Variants in ZNF407 observed in about 807,000 individuals in gnomAD.
ZNF407 encodes zinc finger protein 407.
A neutral mutation model predicts 131.2 loss-of-function variants in ZNF407; 17 were observed. The ratio of observed to expected loss-of-function variants is 0.13; its 90% CI spans 0.09 to 0.19. The LOEUF is 0.19. Among genes scored for constraint, ZNF407 ranks in the 10% least tolerant of loss-of-function variants. The pLI is 1.00. For synonymous variants in ZNF407, 1,156 were observed against 1,062.0 expected, an observed-to-expected ratio of 1.09 and a Z score of -1.72; for missense variants, 2,681 against 2,830.6, an observed-to-expected ratio of 0.95 and a Z score of 1.20.
At chr18:75,028,549 C>G (rs1179069899) in intron 8 of ZNF407, among the ~76,000 whole-genome samples, 1 of 152,184 alleles carries the variant, frequency 6.6e-6, no homozygotes, top group African/African-American at 2.4e-5. Context: ...ATTTCAGCTC[C>G]TAACAGACTT....
At chr18:74,953,857 T>A (rs1972244677) in intron 8 of ZNF407, among the ~76,000 whole-genome samples, 1 of 152,166 alleles carries the variant, frequency 6.6e-6, no homozygotes. Flanking sequence ...AGGAATCTGG[T>A]CCATTAGGGA....
At chr18:74,645,160 T>C (rs1240652795) in intron 3 of ZNF407, among the ~76,000 whole-genome samples, 2 of 152,080 alleles carry the variant, frequency 1.3e-5, no homozygotes, top group African/African-American at 4.8e-5. Flanking sequence ...CTGAACATAT[T>C]TGTATAATAG....
chr18:74,958,841 G>A (rs913598927), intron 8 of ZNF407, among the ~76,000 whole-genome samples: 1 of 152,168 alleles, frequency 6.6e-6, no homozygotes, highest in Non-Finnish European at 1.5e-5. Flanking sequence ...TTTCAGTGAG[G>A]AAGTCACTGG....
intron 4 of ZNF407, among the ~76,000 whole-genome samples, chr18:74,796,728 C>T (rs554762148): frequency 8.7e-4 from 133 of 152,074 alleles, no homozygotes; most frequent in African/African-American, 3.1e-3. Context: ...TAAAAATGCA[C>T]GCTCGAAGCT....
chr18:74,610,780 C>T (rs1390392357), intron 1 of ZNF407, among the ~76,000 whole-genome samples: 1 of 152,108 alleles, frequency 6.6e-6, no homozygotes, highest in Admixed American at 6.5e-5. Context: ...TCTCGAACCC[C>T]TCACCTCAGG....
intron 7 of ZNF407, among the ~76,000 whole-genome samples, chr18:74,910,868 G>T (rs190561079): frequency 1.3e-5 from 2 of 151,702 alleles, no homozygotes; most frequent in East Asian, 3.9e-4. Flanking sequence ...TGACACAGCC[G>T]CAACACTGCA....
At chr18:74,657,898 T>C (rs1985537323) in intron 3 of ZNF407, among the ~76,000 whole-genome samples, 1 of 126,484 alleles carries the variant, frequency 7.9e-6, no homozygotes, top group African/African-American at 3.5e-5. Flanking sequence ...CTTCTCCTTT[T>C]CCTTTCTTCT....
Position 75,063,644 on chromosome 18 carries a change from C to T in ZNF407, c.5923C>T (p.Leu1975Phe), listed in dbSNP as rs528774895. The stretch of plus-strand genomic sequence containing the variant: ...GGTGACCAAGCAGGAGATTTTAAAC[C>T]TCTCGGAGGCTGGAGTCGCTCCCCC... ...QQVTKQEILN[L>F]SEAGVAPPEA... Residue 1975 changes from leucine to phenylalanine, a missense_variant, in exon 9 of 9, where the codon CTC (leucine) becomes TTC (phenylalanine). By Grantham distance (22) the Leu-to-Phe change is conservative (BLOSUM62 0). Coordinates refer to ENST00000299687, the MANE Select transcript of ZNF407 (RefSeq NM_017757.3). This position sits in a 1 kb window ranked among gnomAD's most constrained non-coding sequence, Gnocchi z 6.6. 42 of 1,598,828 alleles carry T rather than the reference C, an allele frequency of 2.6e-5. No individual in the cohort carries two copies. The East Asian group carries it at 8.4e-4, about 32-fold the overall frequency.
chr18:74,823,551 G>A (rs1211736037), intron 4 of ZNF407, among the ~76,000 whole-genome samples: 1 of 152,126 alleles, frequency 6.6e-6, no homozygotes, highest in African/African-American at 2.4e-5. Context: ...AAAAAAGCAG[G>A]AGTTGCAATT....
intron 3 of ZNF407, among the ~76,000 whole-genome samples, chr18:74,769,935 TGA>T (rs2144997915): frequency 6.6e-6 from 1 of 152,288 alleles, no homozygotes; most frequent in East Asian, 1.9e-4. Flanking sequence ...ACAGGACAGT[TGA>T]GGGGTGAGTG....
intron 3 of ZNF407, among the ~76,000 whole-genome samples, chr18:74,725,174 C>T (rs765989871): frequency 1.5e-4 from 23 of 152,052 alleles, no homozygotes; most frequent in Non-Finnish European, 2.9e-4. Context: ...TTCACTCCTT[C>T]GCCCAGGCTG....
intron 3 of ZNF407, among the ~76,000 whole-genome samples, chr18:74,728,983 CTT>C (rs994960005): frequency 3.9e-5 from 6 of 152,260 alleles, no homozygotes; most frequent in Non-Finnish European, 7.4e-5. Flanking sequence ...GCTGCTGTGA[CTT>C]TTTTTCTCTC....
chr18:74,978,537 CTG>C (rs1378656906), intron 8 of ZNF407, among the ~76,000 whole-genome samples: 1 of 151,888 alleles, frequency 6.6e-6, no homozygotes, highest in African/African-American at 2.4e-5. Flanking sequence ...AGGCAGCACA[CTG>C]TGTATGGAGC....
intron 8 of ZNF407, among the ~76,000 whole-genome samples, chr18:74,938,037 G>A (rs1697344246): frequency 6.6e-6 from 1 of 152,152 alleles, no homozygotes; most frequent in African/African-American, 2.4e-5. Context: ...TGTGTTTCAT[G>A]AATAGATTGT....
chr18:74,877,323 C>T lies in ZNF407; in HGVS notation c.5004C>T (p.Leu1668=), dbSNP rs779016814. 1.9e-6 allele frequency: 3 copies of T among 1,613,776 alleles called. No individual in the cohort carries two copies. The highest frequency in any genetic ancestry group is 1.7e-6 in the Non-Finnish European group (2 of 1,179,900). ...GGCCCACGTGCCATTACTCATTCCT[C>T]ACAGCCTCCGCAATGAAAGACCACT... ...CTWPTCHYSF[L]TASAMKDHYR... The change falls in exon 5 of 9, where the codon CTC becomes CTT. Residue 1668 remains leucine, a synonymous_variant. Transcript: ENST00000299687.
At chr18:74,963,342 T>C (rs2145294574) in intron 8 of ZNF407, among the ~76,000 whole-genome samples, 1 of 152,318 alleles carries the variant, frequency 6.6e-6, no homozygotes, top group East Asian at 1.9e-4. Flanking sequence ...TGGAAGTGAT[T>C]ACTTATTTAA....
At chr18:75,053,093 AC>A (rs1183239743) in intron 8 of ZNF407, among the ~76,000 whole-genome samples, 1 of 152,160 alleles carries the variant, frequency 6.6e-6, no homozygotes, top group Admixed American at 6.5e-5. Context: ...ACACATGATT[AC>A]CTTATTGGAC....
At chr18:74,804,320 T>C in intron 4 of ZNF407, 9 of 1,118,596 alleles carry the variant, frequency 8.0e-6, no homozygotes, top group Non-Finnish European at 9.8e-6. Flanking sequence ...AAAAAACCCT[T>C]AATGATTCAG....
chr18:74,651,171 CCT>C (rs1985210565), intron 3 of ZNF407, among the ~76,000 whole-genome samples: 1 of 151,732 alleles, frequency 6.6e-6, no homozygotes, highest in Non-Finnish European at 1.5e-5. Flanking sequence ...TTAAAAATAC[CCT>C]GTTTGGAAAA....
Sources: allele counts gnomAD v4.1 joint callset (sites outside exome capture counted in the v4.1 genomes callset), GRCh38; gene constraint gnomAD v4.1.1; non-coding constraint Gnocchi (gnomAD v3.1); transcripts MANE v1.5; gene names NCBI Gene and HGNC (gene_info 2026-07-23, HGNC 2026-07-21).